Variants in HDAC9 observed in about 807,000 individuals in gnomAD.
HDAC9 encodes MEF-2 interacting transcription repressor (MITR) protein.
Under a neutral mutation model 139.4 loss-of-function variants are expected in HDAC9, and 41 were observed. That is an observed-to-expected ratio of 0.29 (90% CI 0.23 to 0.38). HDAC9 has a LOEUF of 0.38. Among genes scored for constraint, HDAC9 ranks in the 10% least tolerant of loss-of-function variants. HDAC9 has a pLI of 1.00. For synonymous variants in HDAC9, 517 were observed against 476.2 expected (o/e 1.09, Z -1.12); for missense variants, 1,147 against 1,297.0 (o/e 0.88, Z 1.78).
chr7:18,492,281 C>A (rs1229187271), upstream of HDAC9, among the ~76,000 whole-genome samples: 1 of 151,802 alleles, frequency 6.6e-6, no homozygotes, highest in African/African-American at 2.4e-5. Context: ...GGGATTGTGT[C>A]TTTCAGGATT....
At chr7:18,135,808 G>A (rs1487454908) in intron 1 of HDAC9, among the ~76,000 whole-genome samples, 2 of 148,038 alleles carry the variant, frequency 1.4e-5, no homozygotes, top group South Asian at 2.1e-4. Flanking sequence ...AGTCCTTTGG[G>A]TATATACCCA....
intron 21 of HDAC9, among the ~76,000 whole-genome samples, chr7:18,863,066 C>G (rs1358037026): frequency 6.6e-6 from 1 of 152,062 alleles, no homozygotes; most frequent in Non-Finnish European, 1.5e-5. Context: ...ACCAGCTGGA[C>G]AAGAGAGGAA....
chr7:18,725,806 C>T (rs145252793), intron 12 of HDAC9, among the ~76,000 whole-genome samples: 1 of 152,274 alleles, frequency 6.6e-6, no homozygotes, highest in African/African-American at 2.4e-5. Flanking sequence ...AATCTTACTG[C>T]TGTGTCCTCA....
At chr7:18,319,008 G>C (rs1055621878) in intron 1 of HDAC9, among the ~76,000 whole-genome samples, 4 of 152,062 alleles carry the variant, frequency 2.6e-5, no homozygotes, top group Non-Finnish European at 5.9e-5. Flanking sequence ...CTGCATTTCC[G>C]GGGGATTCCT....
chr7:18,972,780 T>A (rs574558275), intron 24 of HDAC9, among the ~76,000 whole-genome samples: 16 of 152,272 alleles, frequency 1.1e-4, no homozygotes, highest in Admixed American at 9.2e-4. Context: ...AATAGTGCAA[T>A]TTTATGAGAA....
At chr7:18,732,994 T>C (rs1360716021) in intron 13 of HDAC9, among the ~76,000 whole-genome samples, 4 of 143,708 alleles carry the variant, frequency 2.8e-5, no homozygotes, top group Non-Finnish European at 6.1e-5. Context: ...TGTGTGTGTA[T>C]GTGTATATAC....
chr7:18,789,286 G>GCGCACACACACA (rs146066951), intron 16 of HDAC9, among the ~76,000 whole-genome samples: 150 of 148,502 alleles, frequency 1.0e-3, no homozygotes, highest in African/African-American at 2.3e-3. Context: ...ACACATACAC[G>GCGCACACACACA]CACACACACA....
intron 21 of HDAC9, among the ~76,000 whole-genome samples, chr7:18,868,573 G>A (rs981754266): frequency 2.0e-5 from 3 of 152,110 alleles, no homozygotes; most frequent in African/African-American, 7.2e-5. Context: ...TATGGTGTTA[G>A]GACATACATT....
intron 16 of HDAC9, among the ~76,000 whole-genome samples, chr7:18,783,877 T>C (rs1404676871): frequency 2.6e-5 from 4 of 152,044 alleles, no homozygotes; most frequent in African/African-American, 9.7e-5. Context: ...TTAGGGCTAC[T>C]AATAAATACC....
At chr7:18,568,592 A>G (rs1823233938) in intron 2 of HDAC9, among the ~76,000 whole-genome samples, 3 of 152,240 alleles carry the variant, frequency 2.0e-5, no homozygotes, top group African/African-American at 7.2e-5. Flanking sequence ...GAAAATACTT[A>G]GAACTTGTTT....
intron 1 of HDAC9, among the ~76,000 whole-genome samples, chr7:18,423,463 A>G (rs1205171756): frequency 6.6e-6 from 1 of 152,262 alleles, no homozygotes; most frequent in African/African-American, 2.4e-5. Context: ...CAGTGGCTTA[A>G]AAGAATAGAT....
At chr7:18,491,573 C>A (rs150974803), upstream of HDAC9, among the ~76,000 whole-genome samples, 1 of 151,908 alleles carries the variant, frequency 6.6e-6, no homozygotes, top group Non-Finnish European at 1.5e-5. Flanking sequence ...CCCAAAGAAC[C>A]GAGATCCTGA....
At chr7:18,875,182 C>T (rs1799227607) in intron 22 of HDAC9, among the ~76,000 whole-genome samples, 1 of 151,990 alleles carries the variant, frequency 6.6e-6, no homozygotes, top group Admixed American at 6.6e-5. Flanking sequence ...TGTTACAGTG[C>T]ATTTGAATAA....
chr7:18,212,223 CT>C (rs949459053), intron 2 of HDAC9, among the ~76,000 whole-genome samples: 1 of 152,160 alleles, frequency 6.6e-6, no homozygotes, highest in South Asian at 2.1e-4. Context: ...TCTTCTTTAT[CT>C]TTTTTTATTG....
intron 2 of HDAC9, among the ~76,000 whole-genome samples, chr7:18,224,313 G>A (rs1372546331): frequency 6.6e-6 from 1 of 152,128 alleles, no homozygotes; most frequent in Non-Finnish European, 1.5e-5. Context: ...CCAGCTGTTG[G>A]TGACTGAAAG....
At chr7:18,641,309 A>ACCCC (rs1171534414) in intron 8 of HDAC9, among the ~76,000 whole-genome samples, 1 of 152,012 alleles carries the variant, frequency 6.6e-6, no homozygotes, top group Non-Finnish European at 1.5e-5. Flanking sequence ...TGAGTAGGCC[A>ACCCC]CCCCTACCCC....
chr7:18,888,589 C>A (rs1800385433), intron 22 of HDAC9, among the ~76,000 whole-genome samples: 1 of 152,206 alleles, frequency 6.6e-6, no homozygotes, highest in Non-Finnish European at 1.5e-5. Context: ...CTATCGACCT[C>A]CCACCTTAAC....
At chr7:18,105,724 G>C (rs1000743480) in intron 1 of HDAC9, among the ~76,000 whole-genome samples, 1 of 151,606 alleles carries the variant, frequency 6.6e-6, no homozygotes, top group Non-Finnish European at 1.5e-5. Context: ...TACTATATTA[G>C]CTAGGTATAC....
chr7:18,873,154 C>T (rs6461391), intron 21 of HDAC9, among the ~76,000 whole-genome samples: 70,502 of 151,664 alleles, frequency 0.46, 17,070 homozygotes, highest in African/African-American at 0.6. Context: ...GGGAAGAATC[C>T]AGTATATCTC....
Sources: allele counts gnomAD v4.1 joint callset (sites outside exome capture counted in the v4.1 genomes callset), GRCh38; gene constraint gnomAD v4.1.1; transcripts MANE v1.5; gene names NCBI Gene and HGNC (gene_info 2026-07-23, HGNC 2026-07-21).